The following ENO2 variants were observed in gnomAD, a reference collection of about 807,000 sequenced individuals.
The protein encoded by ENO2 is enolase 2.
ENO2 carries 19 observed loss-of-function variants against 48.7 expected under a neutral mutation model. That is an observed-to-expected ratio of 0.39 (90% CI 0.27 to 0.57). The LOEUF (loss-of-function observed/expected upper bound fraction) is 0.57, where lower values mean the gene tolerates loss of function less well. Among genes scored for constraint, ENO2 ranks in the 20% least tolerant of loss-of-function variants. The pLI is 0.58. For missense variants in ENO2, 416 were observed against 555.0 expected (o/e 0.75, Z 2.52); for synonymous variants, 198 against 213.4 (o/e 0.93, Z 0.63).
rs942386828 is a variant in ENO2, at chr12:6,916,935, G to A, written c.241-103G>A. 27 of 1,536,240 alleles carry A rather than the reference G, an allele frequency of 1.8e-5. No individual in the cohort carries two copies. Among genetic ancestry groups the A allele is most frequent in the Non-Finnish European group, 2.4e-5 (27 of 1,116,584 alleles). On this transcript the variant is annotated intron_variant, in intron 4 of 11. Coordinates refer to ENST00000229277, the MANE Select transcript of ENO2 (RefSeq NM_001975.3). This position sits in a 1 kb window ranked among gnomAD's most constrained non-coding sequence, Gnocchi z 4.5. ...GGTAGGCCCCTGTCACAGGGACCTG[G>A]TTGGACCCTGGCCAAATGTGAGCTT...
chr12:6,916,811 G>C lies in ENO2; in HGVS notation c.240+82G>C, dbSNP rs1475129840. 2 of 1,563,368 alleles carry C rather than the reference G, an allele frequency of 1.3e-6. No homozygotes were observed. Among genetic ancestry groups the C allele is most frequent in the Middle Eastern group, 1.7e-4 (1 of 5,980 alleles). ...AGCAGGGCAGGAGGAAGGGAAGAAA[G>C]AAGGCCCACTCTTAGGAATCATGGT... On this transcript the variant is annotated intron_variant, in intron 4 of 11. Coordinates refer to ENST00000229277, the MANE Select transcript of ENO2 (RefSeq NM_001975.3). The surrounding 1 kb of genome is among the most constrained non-coding windows in gnomAD (Gnocchi z 4.5).
At chr12:6,917,187 T>C in intron 5 of ENO2, 80 bp downstream of exon 5, 1 of 1,535,378 alleles carries the variant, frequency 6.5e-7, no homozygotes, top group Non-Finnish European at 8.9e-7. Flanking sequence ...GGGCCAGTGC[T>C]GTAGTGGCTT....
intron 7 of ENO2, among the ~76,000 whole-genome samples, 186 bp downstream of exon 7, chr12:6,918,348 A>G (rs1487398599): frequency 1.3e-5 from 2 of 149,326 alleles, no homozygotes; most frequent in Non-Finnish European, 3.0e-5. Context: ...ACCTAGGGGG[A>G]CAGTATTTTT....
chr12:6,921,888 C>A, intron 9 of ENO2, 106 bp downstream of exon 9: 1 of 1,517,276 alleles, frequency 6.6e-7, no homozygotes, highest in Non-Finnish European at 9.0e-7. Flanking sequence ...GAGCGGGGAA[C>A]CTGGAATCAT....
At position 6,917,969 on chromosome 12, in the gene ENO2, T is replaced by C. The variant is rs1555141802; in HGVS notation, c.474T>C (p.His158=). The part of the protein sequence containing the change: ...PAFNVINGGS[H]AGNKLAMQEF... ...TCAACGTGATCAATGGTGGCTCTCA[T>C]GCTGGCAACAAGCTGGCCATGCAGG... is the stretch of plus-strand genomic sequence containing the variant. The change falls in exon 7 of 12, where the codon CAT becomes CAC. Residue 158 remains histidine, a synonymous_variant. Transcript: ENST00000229277. The C allele has an allele frequency of 1.9e-6, 3 of 1,614,066 alleles. No homozygotes were observed. Among genetic ancestry groups the C allele is most frequent in the African/African-American group, 2.7e-5 (2 of 74,922 alleles).
chr12:6,918,081 A>G lies in ENO2; in HGVS notation c.586A>G (p.Ile196Val). The G allele has an allele frequency of 1.9e-6, 3 of 1,614,212 alleles. No individual in the cohort carries two copies. In the South Asian group the frequency reaches 3.3e-5, roughly 18 times the overall value. Residue 196 changes from isoleucine to valine, a missense_variant, in exon 7 of 12, where the codon ATC (isoleucine) becomes GTC (valine). Transcript: ENST00000229277. ...AEVYHTLKGVIKDKYGKDATN... is the reference protein window; with the variant it reads ...AEVYHTLKGVVKDKYGKDATN... ...GGTCTACCATACACTCAAGGGAGTC[A>G]TCAAGGACAAATACGGCAAGGATGC...
At position 6,916,960 on chromosome 12, in the gene ENO2, TG is replaced by T; in HGVS notation, c.241-75del. On this transcript the variant is annotated intron_variant, in intron 4 of 11. Coordinates refer to ENST00000229277, the MANE Select transcript of ENO2 (RefSeq NM_001975.3). This position sits in a 1 kb window ranked among gnomAD's most constrained non-coding sequence, Gnocchi z 4.5. Reference sequence around the variant, plus strand: ...GTTGGACCCTGGCCAAATGTGAGCTTGGGTGTGAATGAGGGGACCCTCTGCC... The same window carrying T: ...GTTGGACCCTGGCCAAATGTGAGCTTGGTGTGAATGAGGGGACCCTCTGCC... The T allele has an allele frequency of 6.3e-7, 1 of 1,589,194 alleles. No individual in the cohort carries two copies. Among genetic ancestry groups the T allele is most frequent in the Non-Finnish European group, 8.6e-7 (1 of 1,160,106 alleles).
At chr12:6,917,374 GCT>G in intron 5 of ENO2, 2 of 735,972 alleles carry the variant, frequency 2.7e-6, no homozygotes, top group Non-Finnish European at 4.3e-6. Context: ...AAGAGGTGTG[GCT>G]CTCTGCCGTT....
intron 8 of ENO2, among the ~76,000 whole-genome samples, chr12:6,920,863 T>G (rs1945335099): frequency 6.6e-6 from 1 of 151,518 alleles, no homozygotes; most frequent in African/African-American, 2.4e-5. Context: ...GCCCAGCCTA[T>G]GGAAGTGGCG....
intron 7 of ENO2, among the ~76,000 whole-genome samples, 159 bp downstream of exon 7, chr12:6,918,321 G>A (rs1378099495): frequency 3.3e-5 from 5 of 151,928 alleles, no homozygotes; most frequent in Non-Finnish European, 7.4e-5. Flanking sequence ...CAGAGAGCCT[G>A]CCAAATTCAC....
At chr12:6,921,861 C>G in intron 9 of ENO2, 79 bp downstream of exon 9, 1 of 1,567,626 alleles carries the variant, frequency 6.4e-7, no homozygotes, top group Admixed American at 1.8e-5. Flanking sequence ...CCTAATTCTA[C>G]CCAGGGGTGC....
chr12:6,919,861 G>C lies in ENO2; in HGVS notation c.865+98G>C, dbSNP rs782059339. The C allele has an allele frequency of 3.0e-6, 4 of 1,348,878 alleles. No homozygotes were observed. The Middle Eastern group carries it at 7.9e-4, about 265-fold the overall frequency. 83.6% of individuals were successfully genotyped at this position (1,348,878 alleles called of 1,614,324 possible). ...GGGTGCTGACTCAGGCACCAGGTGG[G>C]GGTGTCCTAAGAAGAACCTGAGAAC... is the stretch of plus-strand genomic sequence containing the variant. On this transcript the variant is annotated intron_variant, in intron 8 of 11. Transcript: ENST00000229277.
Position 6,922,187 on chromosome 12 carries a change from T to C in ENO2, c.1176+23T>C. ...CAGGTGAGTGAGGCAGCCTGGTGAG[T>C]GAAGAGAACTCTCTGTGGGATTGGT... On this transcript the variant is annotated intron_variant, in intron 10 of 11. Coordinates refer to ENST00000229277, the MANE Select transcript of ENO2 (RefSeq NM_001975.3). The surrounding 1 kb of genome is among the most constrained non-coding windows in gnomAD (Gnocchi z 5.3). The C allele has an allele frequency of 1.2e-6, 2 of 1,610,642 alleles. No individual in the cohort carries two copies. Among genetic ancestry groups the C allele is most frequent in the Non-Finnish European group, 1.7e-6 (2 of 1,177,642 alleles).
In ENO2 at chr12:6,922,719, C is replaced by A. The variant is rs1945352255; in HGVS notation, c.1236-12C>A. On this transcript the variant is annotated splice_polypyrimidine_tract_variant and intron_variant, in intron 11 of 11. Transcript: ENST00000229277. This position sits in a 1 kb window ranked among gnomAD's most constrained non-coding sequence, Gnocchi z 5.3. The stretch of plus-strand genomic sequence containing the variant: ...ATCCCTGACCACTTCCTTTGTGGTT[C>A]ATCTCTCTCAGAATTGAGGAAGAGC... 1 of 1,614,102 alleles carries A rather than the reference C, an allele frequency of 6.2e-7. No individual in the cohort carries two copies. Among genetic ancestry groups the A allele is most frequent in the Non-Finnish European group, 8.5e-7 (1 of 1,179,988 alleles).
At chr12:6,915,787 T>A (rs1555141519) in intron 1 of ENO2, 34 bp from the exon 2 acceptor site, 1 of 1,506,970 alleles carries the variant, frequency 6.6e-7, no homozygotes, top group Non-Finnish European at 9.0e-7. Flanking sequence ...CTAAGCCTCT[T>A]ATCTTTCTCC....
Position 6,922,275 on chromosome 12 carries a change from G to A in ENO2, c.1177-69G>A. On this transcript the variant is annotated intron_variant, in intron 10 of 11. Transcript: ENST00000229277. This position sits in a 1 kb window ranked among gnomAD's most constrained non-coding sequence, Gnocchi z 5.3. ...TTTGAGGGTGTCAGGGGAGTTTCAG[G>A]AGAGCAGAAGTTTCCTTTCAGGGGT... is the stretch of plus-strand genomic sequence containing the variant. 2 of 1,612,812 alleles carry A rather than the reference G, an allele frequency of 1.2e-6. No homozygotes were observed. Among genetic ancestry groups the A allele is most frequent in the Non-Finnish European group, 1.7e-6 (2 of 1,178,934 alleles).
Position 6,922,813 on chromosome 12 carries a change from C to G in ENO2, c.*13C>G. On this transcript the variant is annotated 3_prime_UTR_variant, in exon 12 of 12. Coordinates refer to ENST00000229277, the MANE Select transcript of ENO2 (RefSeq NM_001975.3). This position sits in a 1 kb window ranked among gnomAD's most constrained non-coding sequence, Gnocchi z 5.3. ...CAGTGTGCTGTGATTCCTCTGCTTG[C>G]CTGGAGACGTGGAACCTCTGTCTCA... 1 of 1,613,832 alleles carries G rather than the reference C, an allele frequency of 6.2e-7. No homozygotes were observed. Among genetic ancestry groups the G allele is most frequent in the Non-Finnish European group, 8.5e-7 (1 of 1,179,882 alleles).
At chr12:6,918,981 CAAA>C (rs58247795) in intron 7 of ENO2, among the ~76,000 whole-genome samples, 8 of 75,856 alleles carry the variant, frequency 1.1e-4, no homozygotes, top group African/African-American at 1.4e-4. Context: ...GACTCCGTCT[CAAA>C]AAAAAAAAAA....
At chr12:6,915,550 G>T (rs1236528529) in intron 1 of ENO2, 3 of 451,352 alleles carry the variant, frequency 6.6e-6, no homozygotes, top group African/African-American at 2.0e-5. Flanking sequence ...CCTCCTCACT[G>T]CAGTGTTCTC....
Sources: allele counts gnomAD v4.1 joint callset (sites outside exome capture counted in the v4.1 genomes callset), GRCh38; gene constraint gnomAD v4.1.1; non-coding constraint Gnocchi (gnomAD v3.1); transcripts MANE v1.5; gene names NCBI Gene and HGNC (gene_info 2026-07-23, HGNC 2026-07-21).